The following CD99 variants were observed in gnomAD, a reference collection of about 807,000 sequenced individuals.
CD99 encodes the protein CD99 molecule (Xg blood group).
CD99 carries 19 observed loss-of-function variants against 28.4 expected under a neutral mutation model. The observed-to-expected ratio is 0.67, with a 90% CI of 0.47 to 0.98. CD99 has a LOEUF of 0.98. CD99 is among the 50% of genes least tolerant of loss of function. The pLI is 0.00. For synonymous variants in CD99, 103 were observed against 92.1 expected (o/e 1.12, Z -0.67); for missense variants, 283 against 248.8 (o/e 1.14, Z -0.92).
At chrX:2,740,507 G>A (rs2050147940) in intron 9 of CD99, among the ~76,000 whole-genome samples, 1 of 152,096 alleles carries the variant, frequency 6.6e-6, no homozygotes, top group Admixed American at 6.6e-5. Flanking sequence ...ATAGGCATTT[G>A]TTAGTGTCTC....
At chrX:2,732,059 C>G (rs2049639520) in intron 8 of CD99, among the ~76,000 whole-genome samples, 1 of 151,886 alleles carries the variant, frequency 6.6e-6, no homozygotes, top group African/African-American at 2.4e-5. Context: ...GTTGCCATTA[C>G]TTTTAATGGC....
chrX:2,701,776 C>G (rs764147807), intron 1 of CD99, among the ~76,000 whole-genome samples: 4 of 152,168 alleles, frequency 2.6e-5, no homozygotes, highest in African/African-American at 2.4e-5. Context: ...GCCTAAGGCC[C>G]GTCTTTGGGT....
chrX:2,691,656 G>T (rs1465150380), intron 1 of CD99: 1 of 707,114 alleles, frequency 1.4e-6, no homozygotes, highest in East Asian at 2.7e-5. Context: ...GTTTGTTGTC[G>T]GAGTTGCAAA....
At chrX:2,732,282 C>T (rs1367542694) in intron 8 of CD99, among the ~76,000 whole-genome samples, 3 of 152,198 alleles carry the variant, frequency 2.0e-5, no homozygotes, top group Non-Finnish European at 2.9e-5. Flanking sequence ...CGGAGCCTGA[C>T]CACTTCCCAC....
At chrX:2,724,405 C>T (rs1306640470) in intron 7 of CD99, among the ~76,000 whole-genome samples, 7 of 152,096 alleles carry the variant, frequency 4.6e-5, no homozygotes, top group Admixed American at 2.6e-4. Context: ...CCTTCCCCGT[C>T]GTGGAGGGCG....
intron 8 of CD99, 151 bp from the exon 9 acceptor site, chrX:2,738,048 GT>G: frequency 1.3e-6 from 1 of 771,560 alleles, no homozygotes; most frequent in Non-Finnish European, 2.4e-6. Context: ...TAGACTCCAT[GT>G]TCCCAGTGGG....
chrX:2,692,624 A>C (rs2124445309), intron 1 of CD99, among the ~76,000 whole-genome samples: 1 of 152,200 alleles, frequency 6.6e-6, no homozygotes, highest in African/African-American at 2.4e-5. Flanking sequence ...CCTGCAGGGG[A>C]GGTTCCAAGC....
At chrX:2,733,704 C>A (rs1603294706) in intron 8 of CD99, 2 of 417,808 alleles carry the variant, frequency 4.8e-6, no homozygotes, top group African/African-American at 3.9e-5. Context: ...GAGTTTTGTC[C>A]CTAAGTCCAT....
chrX:2,733,394 C>T, intron 8 of CD99: 1 of 1,592,178 alleles, frequency 6.3e-7, no homozygotes. Flanking sequence ...GAACCCAGCC[C>T]AGGCCTGCGG....
intron 5 of CD99, among the ~76,000 whole-genome samples, chrX:2,722,167 A>C (rs1217063438): frequency 2.0e-5 from 3 of 150,794 alleles, no homozygotes; most frequent in African/African-American, 7.3e-5. Flanking sequence ...TTGGCCGTGG[A>C]TACTTCTTAT....
chrX:2,733,311 A>C, intron 8 of CD99: 11 of 1,551,122 alleles, frequency 7.1e-6, no homozygotes, highest in Non-Finnish European at 9.6e-6. Context: ...GCACCAGTTT[A>C]CTTTTTGTAT....
At position 2,717,661 on chromosome X, in the gene CD99, G is replaced by A; in HGVS notation, c.148+9G>A. On this transcript the variant is annotated intron_variant, in intron 3 of 9. Transcript: ENST00000381192. ...CAAGAAACCCAGTGCTGGTGAGAAG[G>A]GCTTCTTCCTAGTATGCAAAGAAAA... 1 of 1,612,468 alleles carries A rather than the reference G, an allele frequency of 6.2e-7. No individual in the cohort carries two copies. The highest frequency in any genetic ancestry group is 8.5e-7 in the Non-Finnish European group (1 of 1,178,546).
chrX:2,733,973 C>T (rs2049807076), intron 8 of CD99, among the ~76,000 whole-genome samples: 2 of 152,194 alleles, frequency 1.3e-5, no homozygotes, highest in Admixed American at 6.5e-5. Flanking sequence ...TGAGGAATCA[C>T]CTAAACATCT....
At chrX:2,716,724 G>T (rs1229106662) in intron 2 of CD99, among the ~76,000 whole-genome samples, 9 of 152,198 alleles carry the variant, frequency 5.9e-5, no homozygotes, top group Non-Finnish European at 1.2e-4. Context: ...AAACAGTGCT[G>T]ATGGGGATCA....
intron 1 of CD99, among the ~76,000 whole-genome samples, chrX:2,706,248 T>C (rs1189416472): frequency 6.6e-6 from 1 of 152,010 alleles, no homozygotes; most frequent in Non-Finnish European, 1.5e-5. Context: ...TAGTCCCAGC[T>C]ACTCGGGAGG....
rs763383464 is a variant in CD99 at position 2,711,193 on chromosome X, C to T, written c.68-3229C>T. Among the ~76,000 whole-genome samples, 103 of 148,168 alleles carry T rather than the reference C, an allele frequency of 7.0e-4. 1 individual carries two copies. The highest frequency in any genetic ancestry group is 2.4e-3 in the African/African-American group (98 of 40,650). On this transcript the variant is annotated intron_variant, in intron 1 of 9. Transcript: ENST00000381192. The stretch of plus-strand genomic sequence containing the variant: ...GCCCCAGAGATGACTTCTAAACCTT[C>T]AGGGTATTCCCAGCAAGTCAGGGCA...
chrX:2,736,737 A>G (rs2049961230), intron 8 of CD99, among the ~76,000 whole-genome samples: 1 of 151,646 alleles, frequency 6.6e-6, no homozygotes, highest in South Asian at 2.1e-4. Context: ...CATGCCTGAA[A>G]TCCCAGCTAC....
At chrX:2,736,873 T>TAATAATA (rs1556341880) in intron 8 of CD99, among the ~76,000 whole-genome samples, 3 of 148,564 alleles carry the variant, frequency 2.0e-5, no homozygotes, top group African/African-American at 7.4e-5. Context: ...ATAATAATAA[T>TAATAATA]AATAAATAAA....
chrX:2,718,560 G>A (rs1474600828), intron 3 of CD99, among the ~76,000 whole-genome samples: 1 of 151,794 alleles, frequency 6.6e-6, no homozygotes, highest in Non-Finnish European at 1.5e-5. Flanking sequence ...TAGTAGAGAC[G>A]GGGTTTCACC....
Sources: allele counts gnomAD v4.1 joint callset (sites outside exome capture counted in the v4.1 genomes callset), GRCh38; gene constraint gnomAD v4.1.1; transcripts MANE v1.5; gene names NCBI Gene and HGNC (gene_info 2026-07-23, HGNC 2026-07-21).